KCNMB2: variants seen among roughly 807,000 people sequenced by gnomAD.
KCNMB2 encodes the protein calcium-activated potassium channel subunit beta-2.
Under a neutral mutation model 24.5 loss-of-function variants are expected in KCNMB2, and 9 were observed. The observed-to-expected ratio is 0.37, with a 90% confidence interval of 0.22 to 0.64. KCNMB2 has a LOEUF of 0.64. KCNMB2 is among the 30% of genes least tolerant of loss of function. KCNMB2 has a pLI of 0.63. For missense variants in KCNMB2, 226 were observed against 284.3 expected (o/e 0.79, Z 1.47); for synonymous variants, 109 against 104.4 (o/e 1.04, Z -0.27).
At chr3:178,665,364 AT>A (rs1720682006) in intron 1 of KCNMB2, among the ~76,000 whole-genome samples, 1 of 152,182 alleles carries the variant, frequency 6.6e-6, no homozygotes, top group Admixed American at 6.6e-5. Context: ...CAAATTCAAC[AT>A]TGTTTAAAAA....
intron 1 of KCNMB2, among the ~76,000 whole-genome samples, chr3:178,536,918 C>T (rs1715429540): frequency 6.6e-6 from 1 of 152,122 alleles, no homozygotes; most frequent in South Asian, 2.1e-4. Context: ...CAAACTGGCT[C>T]CAGGCTTACA....
intron 1 of KCNMB2, among the ~76,000 whole-genome samples, chr3:178,651,441 C>T (rs917906610): frequency 6.6e-6 from 1 of 152,194 alleles, no homozygotes; most frequent in East Asian, 1.9e-4. Context: ...AATGGAAAAA[C>T]ATTCCATGTT....
intron 1 of KCNMB2, among the ~76,000 whole-genome samples, chr3:178,640,195 G>A (rs1242634487): frequency 1.3e-5 from 2 of 152,170 alleles, no homozygotes; most frequent in Non-Finnish European, 2.9e-5. Flanking sequence ...GTATTCGTCC[G>A]TTTTCACACT....
At chr3:178,673,498 G>A (rs959017687) in intron 1 of KCNMB2, among the ~76,000 whole-genome samples, 7 of 151,606 alleles carry the variant, frequency 4.6e-5, no homozygotes, top group Admixed American at 6.6e-5. Flanking sequence ...AGCTCCCACC[G>A]TCACACTTAC....
chr3:178,819,922 A>G (rs1714560965), intron 2 of KCNMB2, among the ~76,000 whole-genome samples: 1 of 152,188 alleles, frequency 6.6e-6, no homozygotes, highest in South Asian at 2.1e-4. Flanking sequence ...ATTTATAAAT[A>G]TATTCATAAG....
rs369426154 is a variant in KCNMB2, at chr3:178,752,828, T to C, written c.-67-54515T>C. On this transcript the variant is annotated intron_variant, in intron 1 of 4. Coordinates refer to ENST00000452583, the MANE Select transcript of KCNMB2 (RefSeq NM_181361.3). ...AGCTTAAGTACTAAAAAGGATATATTTGAGAGTAAAGATAAAGTCAGTGAA... is the reference window on the plus strand; with the variant it reads ...AGCTTAAGTACTAAAAAGGATATATCTGAGAGTAAAGATAAAGTCAGTGAA... Among the ~76,000 whole-genome samples, 54 of 152,216 alleles carry C rather than the reference T, an allele frequency of 3.5e-4. 1 individual carries two copies. The South Asian group carries it at 0.011, about 31-fold the overall frequency.
chr3:178,733,303 G>A (rs1723211825), intron 1 of KCNMB2, among the ~76,000 whole-genome samples: 1 of 152,148 alleles, frequency 6.6e-6, no homozygotes, highest in Non-Finnish European at 1.5e-5. Flanking sequence ...GGAAGCCAAT[G>A]TGGCTGGAGT....
intron 1 of KCNMB2, among the ~76,000 whole-genome samples, chr3:178,599,044 C>A (rs1454708188): frequency 6.6e-6 from 1 of 152,072 alleles, no homozygotes; most frequent in Non-Finnish European, 1.5e-5. Flanking sequence ...AAAGATATGT[C>A]AAGGTCAGTT....
chr3:178,646,806 G>A (rs1719939571), intron 1 of KCNMB2, among the ~76,000 whole-genome samples: 1 of 152,072 alleles, frequency 6.6e-6, no homozygotes, highest in Non-Finnish European at 1.5e-5. Context: ...ACTCAATAAG[G>A]AGAAAAATGA....
chr3:178,619,969 T>C (rs1380604753), intron 1 of KCNMB2, among the ~76,000 whole-genome samples: 1 of 152,238 alleles, frequency 6.6e-6, no homozygotes, highest in East Asian at 1.9e-4. Flanking sequence ...CAATGATTAT[T>C]ACTTACTGAG....
At chr3:178,701,164 T>C (rs1722078284) in intron 1 of KCNMB2, among the ~76,000 whole-genome samples, 1 of 152,242 alleles carries the variant, frequency 6.6e-6, no homozygotes, top group African/African-American at 2.4e-5. Flanking sequence ...CAGTTTCAGC[T>C]TTCTACATAC....
intron 1 of KCNMB2, among the ~76,000 whole-genome samples, chr3:178,540,796 T>G (rs1715592512): frequency 6.6e-6 from 1 of 152,200 alleles, no homozygotes; most frequent in Non-Finnish European, 1.5e-5. Flanking sequence ...GCTTTCTTTT[T>G]CTCCATAGCA....
chr3:178,578,425 T>C (rs758895089), intron 1 of KCNMB2, among the ~76,000 whole-genome samples: 3 of 152,130 alleles, frequency 2.0e-5, no homozygotes, highest in Non-Finnish European at 4.4e-5. Flanking sequence ...TGCAAAAACA[T>C]ACCAAATTGT....
chr3:178,769,900 C>G (rs778023663), intron 1 of KCNMB2, among the ~76,000 whole-genome samples: 1 of 152,104 alleles, frequency 6.6e-6, no homozygotes, highest in Non-Finnish European at 1.5e-5. Flanking sequence ...AAAAACAGAT[C>G]TATGTATTAC....
At chr3:178,756,337 T>C (rs562473794) in intron 1 of KCNMB2, among the ~76,000 whole-genome samples, 55 of 152,124 alleles carry the variant, frequency 3.6e-4, no homozygotes, top group Non-Finnish European at 7.1e-4. Context: ...TTATGTTATG[T>C]AAAGTTGAAT....
rs1285709605 is a variant in KCNMB2, at chr3:178,760,222, ATATATAGATATATCCAAGAGGATATATC to A, written c.-67-47114_-67-47087del. Among the ~76,000 whole-genome samples the A allele has an allele frequency of 5.2e-4, 28 of 53,548 alleles. 8 individuals carry two copies. The highest frequency in any genetic ancestry group is 2.1e-3 in the African/African-American group (27 of 12,938). 35.1% of individuals were successfully genotyped at this position (53,548 alleles called of 152,430 possible). ...TATATATATCCAAGAGGATATATCT[ATATATAGATATATCCAAGAGGATATATC>A]TATATATAGATATATCCAAGAGGAT... On this transcript the variant is annotated intron_variant, in intron 1 of 4. Coordinates refer to ENST00000452583, the MANE Select transcript of KCNMB2 (RefSeq NM_181361.3).
At chr3:178,653,985 G>A (rs1720229950) in intron 1 of KCNMB2, among the ~76,000 whole-genome samples, 2 of 151,904 alleles carry the variant, frequency 1.3e-5, no homozygotes, top group Non-Finnish European at 2.9e-5. Context: ...ACCATTTCTT[G>A]CAAGTTTGAG....
intron 1 of KCNMB2, among the ~76,000 whole-genome samples, chr3:178,554,798 A>G (rs1039585476): frequency 1.3e-5 from 2 of 152,220 alleles, no homozygotes; most frequent in African/African-American, 4.8e-5. Flanking sequence ...TTGCTTGCAA[A>G]TTAGTACTGA....
At chr3:178,729,956 G>T (rs1461424009) in intron 1 of KCNMB2, among the ~76,000 whole-genome samples, 1 of 152,114 alleles carries the variant, frequency 6.6e-6, no homozygotes, top group East Asian at 1.9e-4. Flanking sequence ...TCTCTTCATT[G>T]TAGTCACTAA....
Sources: gnomAD v4.1 joint callset for allele counts (sites outside exome capture counted in the v4.1 genomes callset) on GRCh38, gnomAD v4.1.1 for gene constraint, MANE v1.5 for transcripts, NCBI Gene and HGNC (gene_info 2026-07-23, HGNC 2026-07-21) for gene names.